Variants in ARNT2 observed in about 807,000 individuals in gnomAD.
The protein encoded by ARNT2 is ARNT protein 2.
In ARNT2, 36 loss-of-function variants were observed where a neutral mutation model predicts 91.7. The observed-to-expected ratio is 0.39, with a 90% CI of 0.30 to 0.52. The LOEUF (loss-of-function observed/expected upper bound fraction) is 0.52. Among genes scored for constraint, ARNT2 ranks in the 20% least tolerant of loss-of-function variants. The probability of loss-of-function intolerance (pLI) is 0.72; values close to 1 mark genes in which losing one functional copy is unlikely to be tolerated. For missense variants in ARNT2, 775 were observed against 939.3 expected (o/e 0.83, Z 2.29); for synonymous variants, 365 against 347.1 (o/e 1.05, Z -0.57).
chr15:80,479,051 C>T (rs948371012), intron 5 of ARNT2, among the ~76,000 whole-genome samples: 4 of 152,110 alleles, frequency 2.6e-5, no homozygotes, highest in Non-Finnish European at 5.9e-5. Context: ...CCTCCTTTCC[C>T]AGTGGAGTTT....
intron 1 of ARNT2, among the ~76,000 whole-genome samples, chr15:80,410,817 A>G (rs1262617329): frequency 6.7e-6 from 1 of 149,638 alleles, no homozygotes; most frequent in Non-Finnish European, 1.5e-5. Flanking sequence ...TCTATCATCT[A>G]TCTACCTACC....
chr15:80,450,189 G>A (rs553103363), intron 1 of ARNT2, among the ~76,000 whole-genome samples: 9 of 152,196 alleles, frequency 5.9e-5, no homozygotes, highest in Non-Finnish European at 1.3e-4. Flanking sequence ...GTGCAGGAAA[G>A]GTACTCTTAT....
At chr15:80,571,202 C>A (rs1446226251) in intron 12 of ARNT2, among the ~76,000 whole-genome samples, 1 of 152,082 alleles carries the variant, frequency 6.6e-6, no homozygotes, top group Non-Finnish European at 1.5e-5. Flanking sequence ...TCAGGCTGCC[C>A]CAAAACGTAG....
At position 80,575,790 on chromosome 15, in the gene ARNT2, C is replaced by T. The variant is rs141855090; in HGVS notation, c.1513+680C>T. Among the ~76,000 whole-genome samples the T allele has an allele frequency of 1.3e-3, 203 of 152,322 alleles. 5 individuals are homozygous for T. The East Asian group carries it at 0.034, about 26-fold the overall frequency. The stretch of plus-strand genomic sequence containing the variant: ...CACAGATCCAGGGCTGTTCCCTGGA[C>T]ATCACCTGCTGCGGCACCTGCTGGG... On this transcript the variant is annotated intron_variant, in intron 14 of 18. Transcript: ENST00000303329.
chr15:80,524,909 A>G (rs1415948455), intron 8 of ARNT2, among the ~76,000 whole-genome samples: 9 of 152,012 alleles, frequency 5.9e-5, no homozygotes. Flanking sequence ...GCTAAGAAGT[A>G]TTAAAAAGAA....
Position 80,453,376 on chromosome 15 carries a change from G to A in ARNT2, c.146+2382G>A, listed in dbSNP as rs188724548. On this transcript the variant is annotated intron_variant, in intron 2 of 18. Transcript: ENST00000303329. ...TCACTCCTACTTCCTTTTCCCTGCC[G>A]GAGGGAGGGGGCACACAAACCATGA... Among the ~76,000 whole-genome samples, 96 of 152,288 alleles carry A rather than the reference G, an allele frequency of 6.3e-4. 3 individuals are homozygous for A. Among genetic ancestry groups the A allele is most frequent in the Middle Eastern group, 6.8e-3 (2 of 294 alleles).
chr15:80,578,590 G>A (rs1187090970), intron 15 of ARNT2, among the ~76,000 whole-genome samples: 1 of 151,660 alleles, frequency 6.6e-6, no homozygotes, highest in Non-Finnish European at 1.5e-5. Flanking sequence ...TCCAGCGTGA[G>A]GTGCAGAGCC....
At position 80,457,970 on chromosome 15, in the gene ARNT2, T is replaced by A. The variant is rs376033420; in HGVS notation, c.188T>A (p.Phe63Tyr). The A allele has an allele frequency of 5.6e-6, 9 of 1,613,852 alleles. No individual in the cohort carries two copies. The highest frequency in any genetic ancestry group is 7.6e-6 in the Non-Finnish European group (9 of 1,179,836). Residue 63 changes from phenylalanine (F) to tyrosine (Y), a missense_variant, in exon 3 of 19, where the codon TTT becomes TAT. This residue lies in a region of ARNT2 where 83 missense variants were observed against 149.4 expected (regional missense o/e 0.56). Coordinates refer to ENST00000303329, the MANE Select transcript of ARNT2 (RefSeq NM_014862.4). Reference sequence around the variant, plus strand: ...GAAGATGGTGAAGGCCCCAGTAAATTTTCAAGGTAAGTTTATTTTATTTTC... The same window carrying A: ...GAAGATGGTGAAGGCCCCAGTAAATATTCAAGGTAAGTTTATTTTATTTTC... The part of the protein sequence containing the change: ...DDEDGEGPSK[F>Y]SRENHSEIER...
rs1349417713 is a variant in ARNT2 at position 80,596,145 on chromosome 15, A to G, written c.*2447A>G. ...GGGGATGCAACAAAATTAGGAGAGGATCCTTGCTCCCAACGTCTACTTCTC... is the reference window on the plus strand; with the variant it reads ...GGGGATGCAACAAAATTAGGAGAGGGTCCTTGCTCCCAACGTCTACTTCTC... On this transcript the variant is annotated 3_prime_UTR_variant, in exon 19 of 19. Coordinates refer to ENST00000303329, the MANE Select transcript of ARNT2 (RefSeq NM_014862.4). The G allele has an allele frequency of 6.6e-6, 1 of 152,164 alleles. No individual in the cohort carries two copies. The highest frequency in any genetic ancestry group is 2.4e-5 in the African/African-American group (1 of 41,408). The allele number at this position is 152,164 out of a possible 1,614,324, so 9.4% of individuals were successfully genotyped here. A position where few individuals can be genotyped will look rare whatever the true frequency, so the allele number is the denominator to read the frequency against.
rs750470628 is a variant in ARNT2, at chr15:80,450,973, G to C, written c.125G>C (p.Arg42Pro). The part of the protein sequence containing the change: ...QVRMAGAMPA[R>P]GGKRRSGMDF... Reference sequence around the variant, plus strand: ...AGGATGGCGGGGGCCATGCCTGCCCGTGGAGGAAAGCGGCGTTCCGGGTAA... The same window carrying C: ...AGGATGGCGGGGGCCATGCCTGCCCCTGGAGGAAAGCGGCGTTCCGGGTAA... Residue 42 changes from arginine (R) to proline (P), a missense_variant, in exon 2 of 19, where the codon CGT becomes CCT. By Grantham distance (103) the Arg-to-Pro change is moderately radical (BLOSUM62 -2). Transcript: ENST00000303329. The C allele has an allele frequency of 1.1e-4, 185 of 1,613,836 alleles. No homozygotes were observed. The highest frequency in any genetic ancestry group is 1.5e-4 in the Non-Finnish European group (176 of 1,179,988).
At chr15:80,428,208 T>G (rs143044321) in intron 1 of ARNT2, among the ~76,000 whole-genome samples, 2 of 152,350 alleles carry the variant, frequency 1.3e-5, no homozygotes, top group African/African-American at 4.8e-5. Context: ...GTGGAATCGT[T>G]CACCCTCACC....
At chr15:80,504,275 G>C (rs578074425) in intron 5 of ARNT2, among the ~76,000 whole-genome samples, 1 of 152,316 alleles carries the variant, frequency 6.6e-6, no homozygotes, top group South Asian at 2.1e-4. Flanking sequence ...GTAACAATCT[G>C]TTCTGTTTGA....
intron 9 of ARNT2, among the ~76,000 whole-genome samples, chr15:80,551,888 T>G (rs1898086627): frequency 2.0e-5 from 3 of 152,332 alleles, no homozygotes; most frequent in African/African-American, 7.2e-5. Context: ...TACTCTTCTT[T>G]CACTGTCTGT....
intron 4 of ARNT2, among the ~76,000 whole-genome samples, chr15:80,471,814 C>T (rs1195269293): frequency 1.3e-5 from 2 of 152,028 alleles, no homozygotes; most frequent in Admixed American, 6.6e-5. Context: ...GCTGGTAGGA[C>T]CCCAAAGCCA....
chr15:80,467,734 C>T (rs1595975589), intron 3 of ARNT2, among the ~76,000 whole-genome samples: 1 of 152,172 alleles, frequency 6.6e-6, no homozygotes, highest in African/African-American at 2.4e-5. Context: ...GAAGTGTAGG[C>T]TGGCGAGGCG....
At chr15:80,523,599 T>G (rs188937780) in intron 8 of ARNT2, among the ~76,000 whole-genome samples, 45 of 152,306 alleles carry the variant, frequency 3.0e-4, no homozygotes, top group Non-Finnish European at 4.9e-4. Flanking sequence ...CTCTTCCTGC[T>G]TCTAGTCTCA....
rs192111113 is a variant in ARNT2, at chr15:80,455,651, C to T, written c.147-2278C>T. Among the ~76,000 whole-genome samples the T allele has an allele frequency of 5.3e-5, 8 of 152,216 alleles. No individual in the cohort carries two copies. In the East Asian group the frequency reaches 1.4e-3, roughly 26 times the overall value. ...CAGTTTTAGCACTGAAGTCCTAGAT[C>T]CCAGGTATCTCCACTCCTATACTGA... On this transcript the variant is annotated intron_variant, in intron 2 of 18. Coordinates refer to ENST00000303329, the MANE Select transcript of ARNT2 (RefSeq NM_014862.4).
chr15:80,443,045 C>T, intron 1 of ARNT2: 3 of 984,106 alleles, frequency 3.0e-6, no homozygotes, highest in Non-Finnish European at 3.6e-6. Flanking sequence ...GAATGAATCA[C>T]CAGGGACCAG....
At chr15:80,574,033 A>T in intron 12 of ARNT2, 115 bp from the exon 13 acceptor site, 1 of 779,810 alleles carries the variant, frequency 1.3e-6, no homozygotes, top group East Asian at 2.5e-5. Flanking sequence ...AAAACAATGT[A>T]GAGATCCATC....
Sources: allele counts gnomAD v4.1 joint callset (sites outside exome capture counted in the v4.1 genomes callset), GRCh38; gene constraint gnomAD v4.1.1; regional missense constraint gnomAD v4.1.1; transcripts MANE v1.5; gene names NCBI Gene and HGNC (gene_info 2026-07-23, HGNC 2026-07-21).